Variants in CPZ observed in about 807,000 individuals in gnomAD.
CPZ encodes the protein carboxypeptidase Z.
A neutral mutation model predicts 61.8 loss-of-function variants in CPZ; 103 were observed. The observed-to-expected ratio is 1.67, with a 90% CI of 1.42 to 1.96. The LOEUF is 1.96. Among genes scored for constraint, CPZ ranks in the 30% most tolerant of loss-of-function variants. CPZ has a pLI of 0.00. For missense variants in CPZ, 1,461 were observed against 914.9 expected, an observed-to-expected ratio of 1.60 and a Z score of -7.70; for synonymous variants, 551 against 373.7, an observed-to-expected ratio of 1.47 and a Z score of -5.47.
intron 2 of CPZ, chr4:8,599,719 C>G: frequency 9.2e-7 from 1 of 1,088,894 alleles, no homozygotes; most frequent in South Asian, 1.7e-5. Context: ...CCACCCCAGC[C>G]CCTGCAGAGA....
chr4:8,606,981 T>A, intron 6 of CPZ, 83 bp downstream of exon 6: 1 of 1,453,088 alleles, frequency 6.9e-7, no homozygotes, highest in Non-Finnish European at 9.2e-7. Context: ...GAGTTGTCCT[T>A]CCCTGGGGAC....
intron 9 of CPZ, 101 bp from the exon 10 acceptor site, chr4:8,618,328 A>G (rs1716376842): frequency 7.1e-6 from 8 of 1,126,138 alleles, no homozygotes; most frequent in African/African-American, 1.5e-5. Context: ...AGTTCCCCCT[A>G]GATACCAAGC....
chr4:8,601,576 C>A (rs1714579769), intron 3 of CPZ, 79 bp downstream of exon 3: 5 of 1,361,954 alleles, frequency 3.7e-6, no homozygotes, highest in African/African-American at 1.5e-5. Context: ...CTGGAAGGAA[C>A]TTGAGGGCTT....
Position 8,619,681 on chromosome 4 carries a change from G to T in CPZ, c.*64G>T. The stretch of plus-strand genomic sequence containing the variant: ...CCCATCTCCGCATCCCGGGCTCCTG[G>T]CTCTTGATTTTGTCTGCCACAGACA... On this transcript the variant is annotated 3_prime_UTR_variant, in exon 11 of 11. Transcript: ENST00000360986. 1 of 1,289,476 alleles carries T rather than the reference G, an allele frequency of 7.8e-7. No homozygotes were observed. The allele number at this position is 1,289,476 out of a possible 1,614,324, so 79.9% of individuals were successfully genotyped here.
chr4:8,618,045 G>A (rs1716344791), intron 9 of CPZ: 2 of 263,184 alleles, frequency 7.6e-6, no homozygotes, highest in Non-Finnish European at 1.5e-5. Flanking sequence ...GCCACCTTCA[G>A]GAGCCTCAGC....
At chr4:8,606,333 G>A (rs1022170575) in intron 5 of CPZ, 148 bp downstream of exon 5, 9 of 775,864 alleles carry the variant, frequency 1.2e-5, no homozygotes, top group Middle Eastern at 3.7e-4. Flanking sequence ...GCAAACCCCT[G>A]CTTCAGGGGC....
chr4:8,597,891 G>A (rs1714296333), intron 1 of CPZ, among the ~76,000 whole-genome samples: 1 of 152,188 alleles, frequency 6.6e-6, no homozygotes, highest in Admixed American at 6.5e-5. Flanking sequence ...ACACAAAAGA[G>A]CCACTTGCCC....
rs759534840 is a variant in CPZ at position 8,601,370 on chromosome 4, G to T, written c.369G>T (p.Glu123Asp). The change falls in exon 3 of 11, where the codon GAG becomes GAT. Residue 123 changes from glutamate (E) to aspartate (D), a missense_variant. Physicochemically the swap from Glu to Asp is conservative, Grantham distance 45. Transcript: ENST00000360986. ...GCAGACCCTGCCGGCACATCTGCGA[G>T]GGCCTGCGGGAGGTCTGCCAGCCCG... ...WVRRPCRHIC[E>D]GLREVCQPAF... 6.2e-7 allele frequency: 1 copy of T among 1,601,260 alleles called. No homozygotes were observed. Among genetic ancestry groups the T allele is most frequent in the Non-Finnish European group, 8.5e-7 (1 of 1,171,894 alleles).
chr4:8,619,597 C>G lies in CPZ; in HGVS notation c.1939C>G (p.Arg647Gly), dbSNP rs145930254. 1 of 1,507,962 alleles carries G rather than the reference C, an allele frequency of 6.6e-7. No homozygotes were observed. The highest frequency in any genetic ancestry group is 2.2e-5 in the Admixed American group (1 of 44,500). 93.4% of individuals were successfully genotyped at this position (1,507,962 alleles called of 1,614,324 possible). A position where few individuals can be genotyped will look rare whatever the true frequency, so the allele number is the denominator to read the frequency against. The change falls in exon 11 of 11, where the codon CGC becomes GGC. Residue 647 changes from arginine (R) to glycine (G), a missense_variant. Coordinates refer to ENST00000360986, the MANE Select transcript of CPZ (RefSeq NM_001014447.3). ...CACATCGCTGAGCACCCACAGGCCA[C>G]GCTGGCTGCTCAAGTACTAGCCCCG... is the stretch of plus-strand genomic sequence containing the variant. The part of the protein sequence containing the change: ...YFTSLSTHRP[R>G]WLLKY
At chr4:8,610,213 GTTTCA>G (rs902580349) in intron 7 of CPZ, among the ~76,000 whole-genome samples, 1 of 152,196 alleles carries the variant, frequency 6.6e-6, no homozygotes, top group African/African-American at 2.4e-5. Flanking sequence ...CTCCCGCCTG[GTTTCA>G]TTTATCTGTG....
intron 2 of CPZ, 27 bp downstream of exon 2, chr4:8,599,512 C>G: frequency 6.2e-7 from 1 of 1,613,100 alleles, no homozygotes; most frequent in Admixed American, 1.7e-5. Context: ...TCCCTGGCTT[C>G]TGTTCTGTAG....
In CPZ at chr4:8,606,164, C is replaced by T; in HGVS notation, c.885C>T (p.Gly295=). The part of the protein sequence containing the change: ...IHLLPSMNPD[G]YEVAAAEGAG... ...TGCTGCCCTCCATGAACCCTGACGG[C>T]TATGAGGTGGCAGCTGCCGAGGTGA... The change falls in exon 5 of 11, where the codon GGC becomes GGT. Residue 295 remains glycine, a synonymous_variant. Transcript: ENST00000360986. The T allele has an allele frequency of 6.2e-7, 1 of 1,614,018 alleles. No homozygotes were observed. Among genetic ancestry groups the T allele is most frequent in the Non-Finnish European group, 8.5e-7 (1 of 1,179,954 alleles).
intron 6 of CPZ, 136 bp downstream of exon 6, chr4:8,607,034 T>C: frequency 8.7e-7 from 1 of 1,146,708 alleles, no homozygotes; most frequent in Non-Finnish European, 1.2e-6. Flanking sequence ...TACCTGTCTG[T>C]GAAATGGGAA....
At chr4:8,612,205 G>GGGGGGGGGGGC in intron 8 of CPZ, 43 bp downstream of exon 8, 1 of 202,856 alleles carries the variant, frequency 4.9e-6, no homozygotes, top group Non-Finnish European at 9.6e-6. Flanking sequence ...GGTGGGGGGT[G>GGGGGGGGGGGC]CAGGGGCTGG....
intron 7 of CPZ, among the ~76,000 whole-genome samples, chr4:8,610,291 G>A (rs372916752): frequency 6.6e-6 from 1 of 152,212 alleles, no homozygotes; most frequent in Non-Finnish European, 1.5e-5. Flanking sequence ...TCCTTGTCCT[G>A]CACCTGCCCT....
chr4:8,607,476 C>T lies in CPZ; in HGVS notation c.1227+51C>T, dbSNP rs781328270. ...GGGGAGGGAGACAGTGTGCGCGGTC[C>T]CCTTGGAGCTGGTGCCCCTCCAGTC... On this transcript the variant is annotated intron_variant, in intron 7 of 10. Transcript: ENST00000360986. The T allele has an allele frequency of 3.8e-6, 6 of 1,586,244 alleles. No individual in the cohort carries two copies. In the East Asian group the frequency reaches 1.1e-4, roughly 30 times the overall value.
At chr4:8,618,573 G>A (rs759235778) in intron 10 of CPZ, 45 bp downstream of exon 10, 1 of 1,583,782 alleles carries the variant, frequency 6.3e-7, no homozygotes. Context: ...GTCTGCCAAG[G>A]AAATGCCACA....
chr4:8,619,168 A>G (rs1252303890), intron 10 of CPZ, 94 bp from the exon 11 acceptor site: 1 of 1,137,684 alleles, frequency 8.8e-7, no homozygotes, highest in African/African-American at 1.6e-5. Context: ...CCTGCCTCCC[A>G]TGCTAACCTC....
At chr4:8,618,400 T>A (rs201158431) in intron 9 of CPZ, 29 bp from the exon 10 acceptor site, 54 of 1,609,032 alleles carry the variant, frequency 3.4e-5, no homozygotes, top group South Asian at 5.5e-5. Flanking sequence ...GCTCACGCCA[T>A]CTCCCTGGCC....
Sources: allele counts gnomAD v4.1 joint callset (sites outside exome capture counted in the v4.1 genomes callset), GRCh38; gene constraint gnomAD v4.1.1; transcripts MANE v1.5; gene names NCBI Gene and HGNC (gene_info 2026-07-23, HGNC 2026-07-21).